The following PDE4D variants were observed in gnomAD, a reference collection of about 807,000 sequenced individuals.
PDE4D encodes phosphodiesterase 4D.
In PDE4D, 24 loss-of-function variants were observed where a neutral mutation model predicts 87.4. The observed-to-expected ratio is 0.27, with a 90% CI of 0.20 to 0.39. PDE4D has a LOEUF of 0.39. Ranked by LOEUF, PDE4D falls within the 10% of genes least tolerant of loss-of-function variation. The probability of loss-of-function intolerance (pLI) is 1.00; values close to 1 mark genes in which losing one functional copy is unlikely to be tolerated. For synonymous variants in PDE4D, 384 were observed against 383.2 expected (o/e 1.00, Z -0.02); for missense variants, 714 against 1,041.0 (o/e 0.69, Z 4.32).
intron 5 of PDE4D, among the ~76,000 whole-genome samples, chr5:59,158,127 T>C (rs1204528825): frequency 6.6e-6 from 1 of 152,242 alleles, no homozygotes; most frequent in Non-Finnish European, 1.5e-5. Context: ...TGATCTTGTT[T>C]ATATTTGCTA....
At chr5:59,656,069 G>A (rs1168986865) in intron 1 of PDE4D, among the ~76,000 whole-genome samples, 1 of 152,036 alleles carries the variant, frequency 6.6e-6, no homozygotes, top group Non-Finnish European at 1.5e-5. Flanking sequence ...CACAGCAAGT[G>A]CATACACCAC....
At chr5:59,815,342 G>A (rs984058579) in intron 1 of PDE4D, among the ~76,000 whole-genome samples, 1 of 152,180 alleles carries the variant, frequency 6.6e-6, no homozygotes, top group Middle Eastern at 3.2e-3. Flanking sequence ...GTTTTAGAAC[G>A]CAAGAGGGTG....
intron 1 of PDE4D, among the ~76,000 whole-genome samples, chr5:60,234,670 C>T (rs575293733): frequency 4.0e-5 from 6 of 151,674 alleles, no homozygotes; most frequent in Non-Finnish European, 8.8e-5. Context: ...GCCATTTGGG[C>T]CTGGGACTTT....
chr5:60,417,753 G>A (rs1018637741), intron 1 of PDE4D, among the ~76,000 whole-genome samples: 1 of 152,262 alleles, frequency 6.6e-6, no homozygotes, highest in East Asian at 1.9e-4. Context: ...TCTTTTGAGT[G>A]TTGATTCCAC....
chr5:60,511,098 T>C (rs1750551879), intron 1 of PDE4D, among the ~76,000 whole-genome samples: 1 of 152,114 alleles, frequency 6.6e-6, no homozygotes, highest in South Asian at 2.1e-4. Context: ...ACCTCCCAAG[T>C]AGCTGGGATT....
intron 5 of PDE4D, among the ~76,000 whole-genome samples, chr5:59,116,312 T>C (rs1773602811): frequency 6.6e-6 from 1 of 152,216 alleles, no homozygotes; most frequent in Non-Finnish European, 1.5e-5. Context: ...TTTCTATGTA[T>C]ATGCTACATG....
intron 1 of PDE4D, among the ~76,000 whole-genome samples, chr5:60,317,788 T>C (rs1230044635): frequency 6.6e-6 from 1 of 152,258 alleles, no homozygotes; most frequent in African/African-American, 2.4e-5. Flanking sequence ...TTCCATGTAG[T>C]TGTGCAGTTT....
At chr5:59,010,665 A>G (rs1353469535) in intron 6 of PDE4D, among the ~76,000 whole-genome samples, 3 of 152,106 alleles carry the variant, frequency 2.0e-5, no homozygotes, top group East Asian at 1.9e-4. Flanking sequence ...AAAATCCAAT[A>G]AAGTAGGTAT....
intron 1 of PDE4D, among the ~76,000 whole-genome samples, chr5:59,594,296 A>AT (rs771619707): frequency 3.2e-4 from 25 of 79,154 alleles, no homozygotes; most frequent in African/African-American, 1.3e-3. Context: ...TTTTTATTTT[A>AT]TTTATTTATT....
chr5:59,197,671 A>G (rs1321274020), intron 2 of PDE4D, among the ~76,000 whole-genome samples: 2 of 152,236 alleles, frequency 1.3e-5, no homozygotes, highest in Non-Finnish European at 2.9e-5. Flanking sequence ...TAATACAAAC[A>G]TATCTTTGAA....
intron 5 of PDE4D, among the ~76,000 whole-genome samples, chr5:59,159,131 C>T (rs1974839): frequency 0.51 from 77,132 of 151,856 alleles, 20,549 homozygotes; most frequent in Non-Finnish European, 0.61. Flanking sequence ...TGAATTCTTA[C>T]GATACTCTGT....
At chr5:59,528,416 T>A (rs1813556067) in intron 1 of PDE4D, among the ~76,000 whole-genome samples, 1 of 152,206 alleles carries the variant, frequency 6.6e-6, no homozygotes, top group Admixed American at 6.5e-5. Context: ...TTTGAAGTCC[T>A]GCCCTTTGGT....
intron 1 of PDE4D, among the ~76,000 whole-genome samples, chr5:60,408,321 T>C (rs2150060983): frequency 6.6e-6 from 1 of 152,354 alleles, no homozygotes; most frequent in Admixed American, 6.5e-5. Flanking sequence ...TCTTGTTTCA[T>C]TCCCACCTCT....
chr5:60,166,244 G>A (rs1298449914), intron 2 of PDE4D, among the ~76,000 whole-genome samples: 6 of 152,074 alleles, frequency 3.9e-5, no homozygotes, highest in Non-Finnish European at 4.4e-5. Flanking sequence ...ACAGGCGCCC[G>A]CCACCACGCC....
chr5:59,324,333 A>C (rs1775262192), intron 1 of PDE4D, among the ~76,000 whole-genome samples: 1 of 152,158 alleles, frequency 6.6e-6, no homozygotes, highest in Admixed American at 6.6e-5. Context: ...AGTGAAATTC[A>C]AATATCCACC....
chr5:59,637,520 G>A (rs1369889576), intron 1 of PDE4D, among the ~76,000 whole-genome samples: 1 of 151,840 alleles, frequency 6.6e-6, no homozygotes, highest in East Asian at 1.9e-4. Context: ...ATGATAGACT[G>A]GATGAAGAAA....
chr5:59,183,464 T>A (rs1161323959), intron 4 of PDE4D, among the ~76,000 whole-genome samples: 2 of 152,158 alleles, frequency 1.3e-5, no homozygotes, highest in Admixed American at 1.3e-4. Flanking sequence ...ACTATTTACC[T>A]GCCACAGATT....
chr5:59,381,678 T>C (rs1002857478), intron 1 of PDE4D, among the ~76,000 whole-genome samples: 4 of 152,156 alleles, frequency 2.6e-5, no homozygotes, highest in Non-Finnish European at 5.9e-5. Context: ...TATCACGTCT[T>C]TCTAAGTCCC....
At chr5:60,470,590 C>T (rs773680713) in intron 1 of PDE4D, among the ~76,000 whole-genome samples, 15 of 152,134 alleles carry the variant, frequency 9.9e-5, no homozygotes, top group South Asian at 2.1e-4. Context: ...TTGTTAAGGA[C>T]CAATACAGGT....
Sources: gnomAD v4.1 joint callset for allele counts (sites outside exome capture counted in the v4.1 genomes callset) on GRCh38, gnomAD v4.1.1 for gene constraint, MANE v1.5 for transcripts, NCBI Gene and HGNC (gene_info 2026-07-23, HGNC 2026-07-21) for gene names.